PI4KA: variants seen among roughly 807,000 people sequenced by gnomAD.
PI4KA encodes the protein PI4-kinase alpha.
PI4KA carries 122 observed loss-of-function variants against 271.4 expected under a neutral mutation model. That is an observed-to-expected ratio of 0.45 (90% confidence interval 0.39 to 0.52). PI4KA has a LOEUF of 0.52. PI4KA is among the 20% of genes least tolerant of loss of function. The probability of loss-of-function intolerance (pLI) is 0.00; values close to 1 mark genes in which losing one functional copy is unlikely to be tolerated. For synonymous variants in PI4KA, 1,041 were observed against 1,078.8 expected (o/e 0.96, Z 0.69); for missense variants, 1,969 against 2,769.1 (o/e 0.71, Z 6.48).
intron 10 of PI4KA, among the ~76,000 whole-genome samples, chr22:20,806,821 C>A (rs1935680905): frequency 6.6e-6 from 1 of 151,928 alleles, no homozygotes; most frequent in African/African-American, 2.4e-5. Flanking sequence ...ACCTCCGCCT[C>A]CCAAGTTCAA....
rs142490069 is a variant in PI4KA at position 20,802,046 on chromosome 22, C to T, written c.1651G>A (p.Val551Ile). 3.6e-5 allele frequency: 58 copies of T among 1,613,908 alleles called. No homozygotes were observed. The highest frequency in any genetic ancestry group is 2.7e-4 in the African/African-American group (20 of 74,910). The change falls in exon 14 of 55, where the codon GTC becomes ATC. Residue 551 changes from valine to isoleucine, a missense_variant. Around this residue, in one of 13 missense-constraint regions of PI4KA, gnomAD observed 228 missense variants for 261.6 expected, o/e 0.87. Transcript: ENST00000255882. ...TNEHSESTLNVMSGKKSQPSM... is the reference protein window; with the variant it reads ...TNEHSESTLNIMSGKKSQPSM... The stretch of plus-strand genomic sequence containing the variant: ...GGCTGGCTCTTCTTACCCGACATGA[C>T]GTTCAGGGTTGACTCGGAATGCTCA...
intron 13 of PI4KA, among the ~76,000 whole-genome samples, chr22:20,802,649 C>T (rs776330851): frequency 6.6e-6 from 1 of 152,220 alleles, no homozygotes; most frequent in Non-Finnish European, 1.5e-5. Context: ...CATCCTACAA[C>T]TTCAGCCTCC....
chr22:20,819,192 AT>A (rs919341719), intron 6 of PI4KA, among the ~76,000 whole-genome samples: 8 of 151,870 alleles, frequency 5.3e-5, no homozygotes, highest in Non-Finnish European at 1.0e-4. Flanking sequence ...GTTTAAATGA[AT>A]TTTTTTTGTG....
At chr22:20,783,391 G>T (rs1005104354) in intron 19 of PI4KA, among the ~76,000 whole-genome samples, 1 of 151,254 alleles carries the variant, frequency 6.6e-6, no homozygotes, top group African/African-American at 2.4e-5. Context: ...GAGGCCAAGG[G>T]TTTGAGACCA....
intron 3 of PI4KA, among the ~76,000 whole-genome samples, chr22:20,829,850 T>A (rs1923923646): frequency 6.6e-6 from 1 of 152,222 alleles, no homozygotes; most frequent in African/African-American, 2.4e-5. Flanking sequence ...GTATGTTGTA[T>A]CTTCATTCTC....
rs530430989 is a variant in PI4KA at position 20,798,447 on chromosome 22, C to T, written c.2108+137G>A. ...GGCCACATTGGGTTTTCACTTCCCC[C>T]CTTATGTGTGCACTGATCTGTAGCA... On this transcript the variant is annotated intron_variant, in intron 17 of 54. Coordinates refer to ENST00000255882, the MANE Select transcript of PI4KA (RefSeq NM_058004.4). 1.2e-5 allele frequency: 8 copies of T among 680,474 alleles called. No individual in the cohort carries two copies. The African/African-American group carries it at 1.2e-4, about 11-fold the overall frequency. 42.2% of individuals were successfully genotyped at this position (680,474 alleles called of 1,614,324 possible).
At chr22:20,815,149 G>A (rs970239544) in intron 7 of PI4KA, among the ~76,000 whole-genome samples, 15 of 152,000 alleles carry the variant, frequency 9.9e-5, no homozygotes, top group African/African-American at 1.9e-4. Context: ...TTGGGAGGCC[G>A]AGGCGGGTGG....
chr22:20,752,373 G>T (rs548921972), intron 25 of PI4KA, among the ~76,000 whole-genome samples: 37 of 152,342 alleles, frequency 2.4e-4, no homozygotes, highest in Admixed American at 9.1e-4. Flanking sequence ...CTGGGGAGCT[G>T]CAGGCAGCCT....
intron 19 of PI4KA, among the ~76,000 whole-genome samples, chr22:20,772,872 T>C (rs1352384848): frequency 6.6e-6 from 1 of 152,202 alleles, no homozygotes; most frequent in East Asian, 1.9e-4. Context: ...GGAGGATCAC[T>C]TGAGCCCAAG....
intron 50 of PI4KA, among the ~76,000 whole-genome samples, chr22:20,712,063 T>G (rs1348026549): frequency 2.2e-5 from 3 of 136,038 alleles, no homozygotes; most frequent in East Asian, 2.1e-4. Context: ...TTTTTTTGTG[T>G]TTTTTTTTTT....
At chr22:20,783,902 C>T in intron 19 of PI4KA, 1 of 1,600,020 alleles carries the variant, frequency 6.2e-7, no homozygotes, top group Non-Finnish European at 8.6e-7. Context: ...AAATCAGATT[C>T]ACTCTCAAGG....
At chr22:20,814,904 C>T (rs1310235735) in intron 7 of PI4KA, among the ~76,000 whole-genome samples, 1 of 151,934 alleles carries the variant, frequency 6.6e-6, no homozygotes, top group African/African-American at 2.4e-5. Flanking sequence ...CACATGTAAT[C>T]CCAGCACTTT....
intron 19 of PI4KA, chr22:20,784,258 G>A (rs1466081135): frequency 1.2e-6 from 2 of 1,613,934 alleles, no homozygotes; most frequent in Non-Finnish European, 1.7e-6. Flanking sequence ...ATTTCACACT[G>A]TGTGTTTGTT....
At chr22:20,829,330 G>A (rs1445383306) in intron 3 of PI4KA, among the ~76,000 whole-genome samples, 4 of 152,172 alleles carry the variant, frequency 2.6e-5, no homozygotes, top group East Asian at 1.9e-4. Flanking sequence ...ACTCAATTTC[G>A]GAACTTGTTA....
chr22:20,727,367 C>T lies in PI4KA; in HGVS notation c.4804G>A (p.Asp1602Asn), dbSNP rs1601344361. ...FLVTWHTIDA[D>N]APELSHVLCW... ...AGCACATGGCTGAGCTCTGGAGCAT[C>T]GGCGTCGATGGTGTGCCAGGTGACC... Residue 1602 changes from aspartate to asparagine, a missense_variant, in exon 41 of 55, where the codon GAT becomes AAT. Transcript: ENST00000255882. 2 of 1,607,470 alleles carry T rather than the reference C, an allele frequency of 1.2e-6. No homozygotes were observed. The highest frequency in any genetic ancestry group is 1.7e-6 in the Non-Finnish European group (2 of 1,177,538).
intron 19 of PI4KA, among the ~76,000 whole-genome samples, chr22:20,767,443 CAAA>C (rs544560327): frequency 1.5e-5 from 2 of 133,028 alleles, no homozygotes; most frequent in Non-Finnish European, 1.6e-5. Context: ...GACTCTGTCT[CAAA>C]AAAAAAAAAA....
chr22:20,763,567 G>A (rs1932222048), intron 22 of PI4KA, among the ~76,000 whole-genome samples: 1 of 151,930 alleles, frequency 6.6e-6, no homozygotes, highest in Admixed American at 6.6e-5. Context: ...AGCCTCCTGA[G>A]TAGCTGGGAC....
At chr22:20,718,996 T>C (rs931040107) in intron 43 of PI4KA, among the ~76,000 whole-genome samples, 174 bp from the exon 44 acceptor site, 2 of 152,248 alleles carry the variant, frequency 1.3e-5, no homozygotes, top group African/African-American at 4.8e-5. Context: ...CAGCTGACGC[T>C]GCTGGGAAGC....
chr22:20,755,486 G>A (rs1044432023), intron 23 of PI4KA, among the ~76,000 whole-genome samples: 4 of 152,160 alleles, frequency 2.6e-5, no homozygotes, highest in African/African-American at 9.7e-5. Flanking sequence ...TTGTTACAGA[G>A]GTGCCAAGTA....
Sources: allele counts gnomAD v4.1 joint callset (sites outside exome capture counted in the v4.1 genomes callset), GRCh38; gene constraint gnomAD v4.1.1; regional missense constraint gnomAD v4.1.1; transcripts MANE v1.5; gene names NCBI Gene and HGNC (gene_info 2026-07-23, HGNC 2026-07-21).